MAML3: variants seen among roughly 807,000 people sequenced by gnomAD.
MAML3 encodes mastermind like transcriptional coactivator 3, also known as mastermind-like protein 3.
Under a neutral mutation model 101.9 loss-of-function variants are expected in MAML3, and 27 were observed. The observed-to-expected ratio is 0.27, with a 90% CI of 0.20 to 0.37. MAML3 has a LOEUF of 0.37. MAML3 is among the 10% of genes least tolerant of loss of function. MAML3 has a pLI of 1.00. For synonymous variants in MAML3, 501 were observed against 555.9 expected (o/e 0.90, Z 1.39); for missense variants, 1,316 against 1,444.9 (o/e 0.91, Z 1.45).
chr4:139,875,855 T>C (rs1353822218), intron 2 of MAML3, among the ~76,000 whole-genome samples: 1 of 140,282 alleles, frequency 7.1e-6, no homozygotes, highest in Non-Finnish European at 1.5e-5. Flanking sequence ...ATTCATTCCA[T>C]CCAGTGTAGG....
intron 2 of MAML3, among the ~76,000 whole-genome samples, chr4:139,768,040 G>C (rs1226842538): frequency 1.3e-5 from 2 of 152,124 alleles, no homozygotes; most frequent in Admixed American, 6.5e-5. Context: ...GAATATCTTT[G>C]TTGGCCACTC....
intron 1 of MAML3, among the ~76,000 whole-genome samples, chr4:139,891,341 C>T (rs997898681): frequency 6.6e-6 from 1 of 152,176 alleles, no homozygotes; most frequent in African/African-American, 2.4e-5. Context: ...TGCAGTGGTG[C>T]TATCTTGGTT....
chr4:139,815,394 A>G (rs951658441), intron 2 of MAML3, among the ~76,000 whole-genome samples: 1 of 152,236 alleles, frequency 6.6e-6, no homozygotes, highest in Non-Finnish European at 1.5e-5. Flanking sequence ...TATAAATACT[A>G]GCTTATTTAA....
At chr4:140,021,023 G>T (rs535927302) in intron 1 of MAML3, among the ~76,000 whole-genome samples, 1 of 152,154 alleles carries the variant, frequency 6.6e-6, no homozygotes, top group African/African-American at 2.4e-5. Flanking sequence ...AGAAACAAAG[G>T]TGTAGGTCAC....
intron 2 of MAML3, among the ~76,000 whole-genome samples, chr4:139,887,615 T>G (rs1282612048): frequency 1.3e-5 from 2 of 152,144 alleles, no homozygotes; most frequent in Non-Finnish European, 2.9e-5. Flanking sequence ...AGACATTTAG[T>G]GGGGGTGAGG....
chr4:139,878,581 C>G (rs1451514087), intron 2 of MAML3, among the ~76,000 whole-genome samples: 1 of 152,176 alleles, frequency 6.6e-6, no homozygotes, highest in East Asian at 1.9e-4. Flanking sequence ...GGCCTACTCT[C>G]TTACCTGTGA....
At chr4:139,969,791 C>T (rs1478189154) in intron 1 of MAML3, among the ~76,000 whole-genome samples, 7 of 152,192 alleles carry the variant, frequency 4.6e-5, no homozygotes, top group Admixed American at 1.3e-4. Context: ...TCCTCAACCT[C>T]GCTGCCACTA....
intron 1 of MAML3, among the ~76,000 whole-genome samples, chr4:140,015,673 G>T (rs1726630533): frequency 1.3e-5 from 2 of 152,208 alleles, no homozygotes; most frequent in African/African-American, 4.8e-5. Flanking sequence ...ATACAGATGG[G>T]CCAGGTGTGG....
At chr4:139,939,037 G>T (rs1172759061) in intron 1 of MAML3, among the ~76,000 whole-genome samples, 1 of 152,190 alleles carries the variant, frequency 6.6e-6, no homozygotes, top group Non-Finnish European at 1.5e-5. Context: ...TAAGTCTGCG[G>T]TCTACAAACA....
intron 1 of MAML3, among the ~76,000 whole-genome samples, chr4:139,964,458 G>A (rs1734087421): frequency 6.6e-6 from 1 of 152,094 alleles, no homozygotes; most frequent in South Asian, 2.1e-4. Context: ...GGTGAGGGGA[G>A]GGAACTTAGA....
intron 1 of MAML3, among the ~76,000 whole-genome samples, chr4:140,131,836 C>T (rs771407860): frequency 7.3e-4 from 111 of 152,226 alleles, no homozygotes; most frequent in Non-Finnish European, 4.1e-4. Flanking sequence ...AAGGTGAAGG[C>T]TCTTTGGGTC....
intron 2 of MAML3, among the ~76,000 whole-genome samples, chr4:139,839,716 T>TC (rs1332920999): frequency 3.9e-5 from 6 of 152,194 alleles, no homozygotes; most frequent in Admixed American, 6.5e-5. Context: ...TGCATTTTTT[T>TC]CTAAATGATT....
chr4:140,113,335 T>C (rs1728468697), intron 1 of MAML3, among the ~76,000 whole-genome samples: 1 of 152,064 alleles, frequency 6.6e-6, no homozygotes, highest in Non-Finnish European at 1.5e-5. Context: ...AGCACGACTA[T>C]ATGAAATTTC....
At chr4:140,039,641 T>C (rs1727048039) in intron 1 of MAML3, among the ~76,000 whole-genome samples, 1 of 152,160 alleles carries the variant, frequency 6.6e-6, no homozygotes, top group Non-Finnish European at 1.5e-5. Flanking sequence ...GCTTGTCTCA[T>C]TCCATCTCTG....
Position 140,099,757 on chromosome 4 carries a change from C to T in MAML3, c.468+53103G>A, listed in dbSNP as rs533563727. On this transcript the variant is annotated intron_variant, in intron 1 of 4. Coordinates refer to ENST00000509479, the MANE Select transcript of MAML3 (RefSeq NM_018717.5). Reference sequence around the variant, plus strand: ...AAAGTTATTTCTCCAACCTCCCTTCCCCAACACACCTCTCAAAACCTTTCT... The same window carrying T: ...AAAGTTATTTCTCCAACCTCCCTTCTCCAACACACCTCTCAAAACCTTTCT... Among the ~76,000 whole-genome samples the T allele has an allele frequency of 2.0e-5, 3 of 152,298 alleles. No individual in the cohort carries two copies. The South Asian group carries it at 6.2e-4, about 32-fold the overall frequency.
At chr4:139,991,916 A>G (rs1734682458) in intron 1 of MAML3, among the ~76,000 whole-genome samples, 1 of 152,132 alleles carries the variant, frequency 6.6e-6, no homozygotes, top group Admixed American at 6.5e-5. Flanking sequence ...TGTACAATTC[A>G]ATACATTTGA....
intron 1 of MAML3, among the ~76,000 whole-genome samples, chr4:139,891,637 A>G (rs1732502104): frequency 6.6e-6 from 1 of 152,232 alleles, no homozygotes; most frequent in African/African-American, 2.4e-5. Context: ...CCTATCCCAA[A>G]TTCTTGCCAC....
rs182867956 is a variant in MAML3 at position 140,006,304 on chromosome 4, G to C, written c.469-115337C>G. On this transcript the variant is annotated intron_variant, in intron 1 of 4. Coordinates refer to ENST00000509479, the MANE Select transcript of MAML3 (RefSeq NM_018717.5). ...TGAACAAGAAGTGAATTAGGAAACA[G>C]GCCGGGTGCGGTTGCTCACCCCTGT... 3.7e-4 allele frequency among the ~76,000 whole-genome samples: 57 copies of C among 152,208 alleles called. 1 individual carries two copies. The highest frequency in any genetic ancestry group is 1.9e-3 in the Admixed American group (29 of 15,280).
chr4:139,991,465 G>A (rs1298076578), intron 1 of MAML3, among the ~76,000 whole-genome samples: 7 of 151,966 alleles, frequency 4.6e-5, no homozygotes, highest in Admixed American at 4.6e-4. Flanking sequence ...GAAAACCTAG[G>A]TCACCAAACT....
Sources: allele counts gnomAD v4.1 joint callset (sites outside exome capture counted in the v4.1 genomes callset), GRCh38; gene constraint gnomAD v4.1.1; transcripts MANE v1.5; gene names NCBI Gene and HGNC (gene_info 2026-07-23, HGNC 2026-07-21).